The following TFEC variants were observed in gnomAD, a reference collection of about 807,000 sequenced individuals.
The protein encoded by TFEC is transcription factor EC.
TFEC carries 31 observed loss-of-function variants against 41.6 expected under a neutral mutation model. The observed-to-expected ratio is 0.74, with a 90% CI of 0.56 to 1.01. TFEC has a LOEUF of 1.01. TFEC is among the 50% of genes least tolerant of loss of function. The probability of loss-of-function intolerance (pLI) is 0.00; values close to 1 mark genes in which losing one functional copy is unlikely to be tolerated. For missense variants in TFEC, 402 were observed against 404.1 expected, an observed-to-expected ratio of 0.99 and a Z score of 0.04; for synonymous variants, 143 against 140.6, an observed-to-expected ratio of 1.02 and a Z score of -0.12.
intron 1 of TFEC, among the ~76,000 whole-genome samples, chr7:116,011,037 G>A (rs375475563): frequency 2.0e-5 from 3 of 152,134 alleles, no homozygotes; most frequent in East Asian, 1.9e-4. Context: ...AAGCCCATTA[G>A]GTGATAAAAT....
chr7:115,949,312 C>G (rs1791796730), intron 6 of TFEC, among the ~76,000 whole-genome samples: 1 of 152,004 alleles, frequency 6.6e-6, no homozygotes, highest in South Asian at 2.1e-4. Context: ...CCCCATCAAG[C>G]TACCAATGAC....
chr7:116,150,519 A>T (rs1019312916), intron 1 of TFEC, among the ~76,000 whole-genome samples: 6 of 152,106 alleles, frequency 3.9e-5, no homozygotes, highest in African/African-American at 1.4e-4. Context: ...GCATTAAAAA[A>T]AATAAAATAA....
chr7:116,030,676 G>T lies in TFEC; in HGVS notation c.-116C>A. The T allele has an allele frequency of 2.0e-6, 2 of 985,370 alleles. No homozygotes were observed. The highest frequency in any genetic ancestry group is 2.4e-6 in the Non-Finnish European group (2 of 829,932). 61.0% of individuals were successfully genotyped at this position (985,370 alleles called of 1,614,324 possible). On this transcript the variant is annotated 5_prime_UTR_variant, in exon 1 of 8. The change creates a new upstream start codon in the 5' untranslated region. Coordinates refer to ENST00000265440, the MANE Select transcript of TFEC (RefSeq NM_012252.4). ...ATCAGTGTTGTCATCTCTACAAACA[G>T]CACCAAATTATAATCCCTCTTCCCA...
At position 115,940,662 on chromosome 7, in the gene TFEC, G is replaced by A. The variant is rs778945038; in HGVS notation, c.933C>T (p.Asp311=). 9.3e-6 allele frequency: 15 copies of A among 1,613,488 alleles called. No homozygotes were observed. In the African/African-American group the frequency reaches 1.3e-4, roughly 14 times the overall value. ...GATCTGTTCCAAATGGAGAGATTGT[G>A]TCATCCAATAGCATGCCATCCAATC... ...EQRLDGMLLD[D]TISPFGTDPL... The change falls in exon 8 of 8, where the codon GAC becomes GAT. Residue 311 remains aspartate, a synonymous_variant. Transcript: ENST00000265440.
chr7:116,124,669 A>T (rs1394011117), intron 1 of TFEC, among the ~76,000 whole-genome samples: 2 of 152,168 alleles, frequency 1.3e-5, no homozygotes, highest in East Asian at 3.8e-4. Context: ...GGTCTCCAGT[A>T]AAATAATTAG....
intron 1 of TFEC, among the ~76,000 whole-genome samples, chr7:116,152,306 C>A (rs1449655424): frequency 1.3e-5 from 2 of 152,104 alleles, no homozygotes; most frequent in Non-Finnish European, 2.9e-5. Context: ...AGGGAATAAA[C>A]CCAAGAAGAG....
intron 3 of TFEC, among the ~76,000 whole-genome samples, chr7:116,102,125 C>A (rs950536223): frequency 3.3e-5 from 5 of 151,996 alleles, no homozygotes; most frequent in Non-Finnish European, 5.9e-5. Context: ...AAAATATAAC[C>A]TCAAATTTTT....
exon 3 of TFEC, chr7:116,110,897 T>C (rs1178290261): frequency 6.5e-7 from 1 of 1,532,840 alleles, no homozygotes; most frequent in Admixed American, 2.1e-5. Flanking sequence ...CAGTTAAAGC[T>C]TGTAACATAT....
chr7:116,124,860 T>A (rs1190149446), intron 1 of TFEC, among the ~76,000 whole-genome samples: 1 of 152,200 alleles, frequency 6.6e-6, no homozygotes, highest in Non-Finnish European at 1.5e-5. Flanking sequence ...TGCAAGGCAC[T>A]GTGCAAGCTA....
chr7:116,091,864 A>C (rs1261704459), intron 3 of TFEC, among the ~76,000 whole-genome samples: 1 of 148,090 alleles, frequency 6.8e-6, no homozygotes, highest in African/African-American at 2.6e-5. Flanking sequence ...ATTACGCTAA[A>C]AAAAAAAGGA....
intron 3 of TFEC, among the ~76,000 whole-genome samples, chr7:116,053,998 T>G (rs972017740): frequency 6.6e-6 from 1 of 152,192 alleles, no homozygotes; most frequent in Non-Finnish European, 1.5e-5. Context: ...AATTTAATAG[T>G]AAACTGATGC....
In TFEC at chr7:116,074,979, C is replaced by T. The variant is rs144849749; in HGVS notation, c.198+35729G>A. 2.5e-4 allele frequency among the ~76,000 whole-genome samples: 38 copies of T among 152,216 alleles called. No individual in the cohort carries two copies. The East Asian group carries it at 7.0e-3, about 28-fold the overall frequency. The stretch of plus-strand genomic sequence containing the variant: ...AGTTCTGATACATGACATCCTATGG[C>T]TAAATCTCGAAAACGTTATGCTTAT... On this transcript the variant is annotated intron_variant, in intron 3 of 8. Coordinates refer to the TFEC transcript ENST00000484212.
intron 3 of TFEC, among the ~76,000 whole-genome samples, chr7:116,059,207 G>C (rs12113606): frequency 7.9e-5 from 12 of 151,784 alleles, no homozygotes; most frequent in African/African-American, 2.9e-4. Context: ...GATATTAAAA[G>C]GATGATTAGT....
intron 1 of TFEC, among the ~76,000 whole-genome samples, chr7:116,115,821 C>G (rs1797975441): frequency 6.6e-6 from 1 of 151,970 alleles, no homozygotes; most frequent in Non-Finnish European, 1.5e-5. Flanking sequence ...GCTTGCTTCA[C>G]AGACACTTAG....
At chr7:115,966,370 T>A (rs1393637266) in intron 3 of TFEC, among the ~76,000 whole-genome samples, 1 of 151,660 alleles carries the variant, frequency 6.6e-6, no homozygotes, top group Non-Finnish European at 1.5e-5. Context: ...GGAATTTTTT[T>A]AAGAAGATAA....
At chr7:116,106,285 A>C (rs1254670061) in intron 3 of TFEC, among the ~76,000 whole-genome samples, 4 of 152,206 alleles carry the variant, frequency 2.6e-5, no homozygotes, top group African/African-American at 9.6e-5. Flanking sequence ...CACTTATCAC[A>C]GTGTAAGTCT....
At chr7:115,943,884 G>A (rs1793638336) in intron 6 of TFEC, among the ~76,000 whole-genome samples, 1 of 151,068 alleles carries the variant, frequency 6.6e-6, no homozygotes. Flanking sequence ...AAGGAGTGCT[G>A]CCAGGCAAAA....
intron 1 of TFEC, among the ~76,000 whole-genome samples, chr7:116,006,016 G>T (rs766117760): frequency 3.9e-5 from 6 of 152,208 alleles, no homozygotes; most frequent in Non-Finnish European, 7.3e-5. Flanking sequence ...CAGAAGTCAA[G>T]AATTGAGGTT....
intron 3 of TFEC, among the ~76,000 whole-genome samples, chr7:115,973,207 G>C (rs1793214619): frequency 6.6e-6 from 1 of 151,788 alleles, no homozygotes; most frequent in Admixed American, 6.6e-5. Context: ...GCATACTAGA[G>C]AAAAGGAGAA....
Sources: allele counts gnomAD v4.1 joint callset (sites outside exome capture counted in the v4.1 genomes callset), GRCh38; gene constraint gnomAD v4.1.1; transcripts MANE v1.5; gene names NCBI Gene and HGNC (gene_info 2026-07-23, HGNC 2026-07-21).